WWTR1: variants seen among roughly 807,000 people sequenced by gnomAD.
WWTR1 encodes the protein WW domain containing transcription regulator 1.
In WWTR1, 13 loss-of-function variants were observed where a neutral mutation model predicts 40.1. That is an observed-to-expected ratio of 0.32 (90% CI 0.21 to 0.52). The LOEUF (loss-of-function observed/expected upper bound fraction) is 0.52. Among genes scored for constraint, WWTR1 ranks in the 20% least tolerant of loss-of-function variants. The pLI, the probability that WWTR1 is intolerant of heterozygous loss-of-function variation, is 0.97. For synonymous variants in WWTR1, 230 were observed against 210.1 expected (o/e 1.09, Z -0.82); for missense variants, 436 against 523.1 (o/e 0.83, Z 1.63).
At position 149,520,500 on chromosome 3, in the gene WWTR1, C is replaced by T. The variant is rs1409447656; in HGVS notation, c.*305G>A. ...TTCAATTAACACCCATAAAGCTTAGCCATGGGGCAGCAGAGAAGAAAGAGA... is the reference window on the plus strand; with the variant it reads ...TTCAATTAACACCCATAAAGCTTAGTCATGGGGCAGCAGAGAAGAAAGAGA... On this transcript the variant is annotated 3_prime_UTR_variant, in exon 7 of 7. Coordinates refer to ENST00000360632, the MANE Select transcript of WWTR1 (RefSeq NM_015472.6). 4.4e-6 allele frequency: 1 copy of T among 224,760 alleles called. No homozygotes were observed. The highest frequency in any genetic ancestry group is 8.6e-6 in the Non-Finnish European group (1 of 116,674). 13.9% of individuals were successfully genotyped at this position (224,760 alleles called of 1,614,324 possible).
intron 2 of WWTR1, among the ~76,000 whole-genome samples, chr3:149,627,553 A>C (rs950219195): frequency 6.6e-6 from 1 of 152,200 alleles, no homozygotes; most frequent in Non-Finnish European, 1.5e-5. Context: ...ATAGGTGGTG[A>C]TAACTGAAGA....
intron 3 of WWTR1, among the ~76,000 whole-genome samples, chr3:149,543,767 C>T (rs1051617185): frequency 4.0e-5 from 6 of 150,986 alleles, no homozygotes; most frequent in African/African-American, 1.5e-4. Flanking sequence ...GAAAACCATG[C>T]TTTTCAGTCT....
At chr3:149,584,617 C>A (rs1367824800) in intron 2 of WWTR1, among the ~76,000 whole-genome samples, 1 of 152,092 alleles carries the variant, frequency 6.6e-6, no homozygotes, top group African/African-American at 2.4e-5. Context: ...CTACTGGGGA[C>A]CTTGAAAATA....
intron 3 of WWTR1, among the ~76,000 whole-genome samples, chr3:149,568,869 C>A (rs1181056824): frequency 6.6e-6 from 1 of 152,238 alleles, no homozygotes; most frequent in Non-Finnish European, 1.5e-5. Flanking sequence ...CGGGTTCACG[C>A]CATTCTCCTG....
intron 5 of WWTR1, among the ~76,000 whole-genome samples, chr3:149,712,471 G>A (rs1715498402): frequency 6.6e-6 from 1 of 152,132 alleles, no homozygotes; most frequent in African/African-American, 2.4e-5. Flanking sequence ...ACATTCTCTT[G>A]TTCCTGAATT....
chr3:149,576,020 A>G (rs1328457749), intron 2 of WWTR1: 1 of 456,600 alleles, frequency 2.2e-6, no homozygotes, highest in Non-Finnish European at 4.4e-6. Context: ...TTGTTAATTA[A>G]AAGTGTCACT....
chr3:149,521,907 TTAGAG>T (rs1207396315), intron 6 of WWTR1, among the ~76,000 whole-genome samples: 3 of 152,196 alleles, frequency 2.0e-5, no homozygotes, highest in African/African-American at 4.8e-5. Flanking sequence ...TTTACAAAAG[TTAGAG>T]TAAAGTGCCA....
chr3:149,718,409 G>A (rs574538939), intron 4 of WWTR1, among the ~76,000 whole-genome samples: 1 of 152,330 alleles, frequency 6.6e-6, no homozygotes, highest in East Asian at 1.9e-4. Context: ...ACAGCTCACA[G>A]GGTCCTCTGC....
intron 3 of WWTR1, among the ~76,000 whole-genome samples, chr3:149,543,524 G>C (rs1198232457): frequency 8.0e-6 from 1 of 124,948 alleles, no homozygotes; most frequent in Non-Finnish European, 1.6e-5. Context: ...GGAGGTTGCA[G>C]TGAGCCGAGA....
chr3:149,550,619 G>C (rs781715525), intron 3 of WWTR1, among the ~76,000 whole-genome samples: 1 of 152,112 alleles, frequency 6.6e-6, no homozygotes, highest in Admixed American at 6.6e-5. Context: ...TTTAGGACAC[G>C]GAGCCAGAGA....
intron 3 of WWTR1, among the ~76,000 whole-genome samples, chr3:149,553,137 T>C (rs1379468246): frequency 6.6e-6 from 1 of 152,126 alleles, no homozygotes; most frequent in South Asian, 2.1e-4. Context: ...AGATGAAGAA[T>C]ATTGGAAGAT....
chr3:149,535,181 A>G (rs182804237), intron 4 of WWTR1, among the ~76,000 whole-genome samples: 1 of 151,946 alleles, frequency 6.6e-6, no homozygotes, highest in Non-Finnish European at 1.5e-5. Flanking sequence ...CTCTACAAAC[A>G]TGGAAGATTG....
At chr3:149,687,077 G>C (rs1286968535) in intron 1 of WWTR1, among the ~76,000 whole-genome samples, 1 of 152,144 alleles carries the variant, frequency 6.6e-6, no homozygotes, top group Non-Finnish European at 1.5e-5. Context: ...TAGGCCCCAG[G>C]TTCACTACTG....
chr3:149,590,750 C>T (rs1294750997), intron 2 of WWTR1, among the ~76,000 whole-genome samples: 1 of 152,142 alleles, frequency 6.6e-6, no homozygotes, highest in Non-Finnish European at 1.5e-5. Context: ...ATAATAAGGT[C>T]TAGGGCTTTT....
chr3:149,536,410 C>T (rs1735835846), intron 4 of WWTR1, among the ~76,000 whole-genome samples: 1 of 151,932 alleles, frequency 6.6e-6, no homozygotes, highest in South Asian at 2.1e-4. Flanking sequence ...TACATTTATG[C>T]TTCATGATCT....
intron 3 of WWTR1, among the ~76,000 whole-genome samples, chr3:149,552,891 C>G (rs1390264055): frequency 6.6e-6 from 1 of 152,162 alleles, no homozygotes; most frequent in African/African-American, 2.4e-5. Flanking sequence ...AAAGTCAGCA[C>G]CTTTGACTGT....
intron 2 of WWTR1, among the ~76,000 whole-genome samples, chr3:149,629,981 G>C (rs964481137): frequency 3.9e-5 from 6 of 151,966 alleles, no homozygotes; most frequent in African/African-American, 1.5e-4. Flanking sequence ...CCGGTAGCTG[G>C]GACTACAGAC....
At chr3:149,557,061 C>CTTTTTTTTTTTTTTTTTTTT (rs3044118) in intron 3 of WWTR1, among the ~76,000 whole-genome samples, 1 of 64,356 alleles carries the variant, frequency 1.6e-5, no homozygotes, top group Non-Finnish European at 2.7e-5. Flanking sequence ...CTGGAATCTT[C>CTTTTTTTTTTTTTTTTTTTT]TTTTTTTTTT....
chr3:149,673,226 T>A (rs1306277732), intron 1 of WWTR1, among the ~76,000 whole-genome samples: 5 of 151,998 alleles, frequency 3.3e-5, no homozygotes, highest in Non-Finnish European at 7.4e-5. Flanking sequence ...TTAAAAAAAA[T>A]AAAAATTAAA....
Sources: allele counts gnomAD v4.1 joint callset (sites outside exome capture counted in the v4.1 genomes callset), GRCh38; gene constraint gnomAD v4.1.1; transcripts MANE v1.5; gene names NCBI Gene and HGNC (gene_info 2026-07-23, HGNC 2026-07-21).